KCNIP4: variants seen among roughly 807,000 people sequenced by gnomAD.
KCNIP4 encodes Kv channel-interacting protein 4.
A neutral mutation model predicts 34.0 loss-of-function variants in KCNIP4; 12 were observed. That is an observed-to-expected ratio of 0.35 (90% CI 0.23 to 0.57). The LOEUF (loss-of-function observed/expected upper bound fraction) is 0.57, where lower values mean the gene tolerates loss of function less well. KCNIP4 is among the 20% of genes least tolerant of loss of function. The pLI, the probability that KCNIP4 is intolerant of heterozygous loss-of-function variation, is 0.83. For missense variants in KCNIP4, 238 were observed against 311.7 expected (o/e 0.76, Z 1.78); for synonymous variants, 124 against 102.2 (o/e 1.21, Z -1.29).
At chr4:21,785,564 C>A (rs1719847390) in intron 1 of KCNIP4, among the ~76,000 whole-genome samples, 1 of 145,578 alleles carries the variant, frequency 6.9e-6, no homozygotes, top group Admixed American at 6.7e-5. Flanking sequence ...TGCACTCCAG[C>A]CTGGGTCAAA....
intron 1 of KCNIP4, among the ~76,000 whole-genome samples, chr4:21,398,939 G>T (rs1723237935): frequency 6.6e-6 from 1 of 152,224 alleles, no homozygotes; most frequent in Admixed American, 6.5e-5. Flanking sequence ...GGAGTTGCTA[G>T]TTAGGAAAAT....
intron 1 of KCNIP4, among the ~76,000 whole-genome samples, chr4:21,678,673 G>A (rs1750106955): frequency 6.6e-6 from 1 of 152,150 alleles, no homozygotes; most frequent in African/African-American, 2.4e-5. Context: ...TGGCTGGCCT[G>A]TCTGCCTGAA....
At chr4:20,910,670 T>G (rs1728240821) in intron 1 of KCNIP4, among the ~76,000 whole-genome samples, 1 of 152,198 alleles carries the variant, frequency 6.6e-6, no homozygotes, top group Non-Finnish European at 1.5e-5. Context: ...CAGCCTCTGA[T>G]TCACTGAAAT....
At chr4:21,346,079 T>TGTG (rs1247258720) in intron 1 of KCNIP4, among the ~76,000 whole-genome samples, 2 of 128,256 alleles carry the variant, frequency 1.6e-5, no homozygotes, top group African/African-American at 5.8e-5. Context: ...AATATATATA[T>TGTG]TTAAGATATT....
intron 1 of KCNIP4, among the ~76,000 whole-genome samples, chr4:21,715,209 T>G (rs1329792867): frequency 6.6e-6 from 1 of 151,522 alleles, no homozygotes; most frequent in Non-Finnish European, 1.5e-5. Context: ...TCTTCCCAAG[T>G]ACCTGGGACT....
chr4:21,773,742 G>GTTTGTTTTT (rs1553930230), intron 1 of KCNIP4, among the ~76,000 whole-genome samples: 1 of 34,430 alleles, frequency 2.9e-5, no homozygotes, highest in African/African-American at 3.6e-5. Flanking sequence ...GTTTTTTTTT[G>GTTTGTTTTT]TTGTTTTTTT....
At chr4:21,933,203 A>T (rs1729670786) in intron 1 of KCNIP4, among the ~76,000 whole-genome samples, 1 of 152,060 alleles carries the variant, frequency 6.6e-6, no homozygotes, top group Admixed American at 6.6e-5. Context: ...GACCAAGATC[A>T]GATAATGTGA....
At chr4:21,945,209 A>G (rs767387734) in intron 1 of KCNIP4, among the ~76,000 whole-genome samples, 3 of 152,230 alleles carry the variant, frequency 2.0e-5, no homozygotes, top group Non-Finnish European at 4.4e-5. Context: ...TACCTGGCCT[A>G]CAATTCTCCA....
chr4:21,248,476 G>C (rs920973615), intron 1 of KCNIP4, among the ~76,000 whole-genome samples: 1 of 152,216 alleles, frequency 6.6e-6, no homozygotes, highest in African/African-American at 2.4e-5. Flanking sequence ...GTTGTTCACC[G>C]CTGACTGACT....
intron 3 of KCNIP4, among the ~76,000 whole-genome samples, chr4:20,788,334 A>G (rs1712273716): frequency 6.6e-6 from 1 of 152,208 alleles, no homozygotes; most frequent in African/African-American, 2.4e-5. Context: ...AAATATTTAA[A>G]AATACTATCC....
At chr4:20,781,724 A>T (rs890389637) in intron 3 of KCNIP4, among the ~76,000 whole-genome samples, 1 of 152,168 alleles carries the variant, frequency 6.6e-6, no homozygotes, top group African/African-American at 2.4e-5. Context: ...AGTATAATTC[A>T]AGATGAGATT....
intron 1 of KCNIP4, among the ~76,000 whole-genome samples, chr4:21,003,138 A>G (rs1440656555): frequency 6.6e-6 from 1 of 152,138 alleles, no homozygotes; most frequent in Non-Finnish European, 1.5e-5. Context: ...TAATATCTCC[A>G]GTTTAGGACT....
At chr4:21,510,002 C>T (rs370598512) in intron 1 of KCNIP4, among the ~76,000 whole-genome samples, 20 of 148,008 alleles carry the variant, frequency 1.4e-4, no homozygotes, top group East Asian at 1.0e-3. Context: ...CCTGTAATCC[C>T]AGCTACTCGG....
chr4:20,805,103 A>G (rs1027096032), intron 3 of KCNIP4, among the ~76,000 whole-genome samples: 1 of 151,976 alleles, frequency 6.6e-6, no homozygotes. Flanking sequence ...GCTCCTACTA[A>G]AGGCATGAGG....
At chr4:21,720,517 TTC>T (rs1306569753) in intron 1 of KCNIP4, among the ~76,000 whole-genome samples, 1 of 126,242 alleles carries the variant, frequency 7.9e-6, no homozygotes, top group Non-Finnish European at 1.6e-5. Context: ...TTTTCCCCCA[TTC>T]TGTTTTTTTT....
chr4:21,750,529 C>A (rs548648398), intron 1 of KCNIP4, among the ~76,000 whole-genome samples: 4 of 152,076 alleles, frequency 2.6e-5, no homozygotes, highest in Non-Finnish European at 5.9e-5. Context: ...GTTTGACTAA[C>A]AAGTAAATGA....
chr4:21,178,230 C>T (rs974264942), intron 1 of KCNIP4, among the ~76,000 whole-genome samples: 1 of 152,138 alleles, frequency 6.6e-6, no homozygotes, highest in African/African-American at 2.4e-5. Flanking sequence ...AGTTTCAAGG[C>T]TTAATTCTGA....
chr4:21,113,455 T>TA (rs56676152), intron 1 of KCNIP4, among the ~76,000 whole-genome samples: 21,615 of 61,742 alleles, frequency 0.35, 3,864 homozygotes, highest in Non-Finnish European at 0.43. Context: ...TCTATAAGTT[T>TA]AAAAAAAAAA....
intron 1 of KCNIP4, among the ~76,000 whole-genome samples, chr4:21,882,985 T>C (rs1284377378): frequency 6.6e-6 from 1 of 152,044 alleles, no homozygotes; most frequent in African/African-American, 2.4e-5. Flanking sequence ...TTCCATGTAG[T>C]TATTTAGAAT....
Sources: allele counts gnomAD v4.1 joint callset (sites outside exome capture counted in the v4.1 genomes callset), GRCh38; gene constraint gnomAD v4.1.1; transcripts MANE v1.5; gene names NCBI Gene and HGNC (gene_info 2026-07-23, HGNC 2026-07-21).